VPS13A: variants seen among roughly 807,000 people sequenced by gnomAD.
VPS13A encodes the protein vacuolar protein sorting 13 homolog A.
A neutral mutation model predicts 390.9 loss-of-function variants in VPS13A; 264 were observed. The observed-to-expected ratio is 0.68, with a 90% CI of 0.61 to 0.75. The LOEUF (loss-of-function observed/expected upper bound fraction) is 0.75, where lower values mean the gene tolerates loss of function less well. Ranked by LOEUF, VPS13A falls within the 30% of genes least tolerant of loss-of-function variation. The pLI is 0.00. For missense variants in VPS13A, 3,409 were observed against 3,733.9 expected (o/e 0.91, Z 2.27); for synonymous variants, 1,231 against 1,227.1 (o/e 1.00, Z -0.07).
chr9:77,353,792 G>T (rs906319774), intron 54 of VPS13A, 151 bp downstream of exon 54: 7 of 770,008 alleles, frequency 9.1e-6, no homozygotes, highest in South Asian at 3.9e-5. Context: ...TGTGCTTGAG[G>T]GAATTTTTTG....
intron 57 of VPS13A, among the ~76,000 whole-genome samples, chr9:77,358,719 T>C (rs1401965142): frequency 6.6e-6 from 1 of 152,228 alleles, no homozygotes; most frequent in Non-Finnish European, 1.5e-5. Flanking sequence ...TTAAAAACCT[T>C]TAAAGCCTTT....
Position 77,337,530 on chromosome 9 carries a change from A to T in VPS13A, c.6371A>T (p.Tyr2124Phe). ...CTTCTTCCTTACAAAATTGCTTATT[A>T]TATAGAGGTATCGGCAAACTGATTT... ...RNLLPYKIAY[Y>F]IEGIENSVFT... is the part of the protein sequence containing the mutation. The change falls in exon 47 of 72, where the codon TAT (tyrosine) becomes TTT (phenylalanine). Residue 2124 changes from tyrosine to phenylalanine, a missense_variant. Physicochemically the swap from Tyr to Phe is conservative, Grantham distance 22. This residue lies in a region of VPS13A where 2,717 missense variants were observed against 2,917.4 expected (regional missense o/e 0.93). Coordinates refer to ENST00000360280, the MANE Select transcript of VPS13A (RefSeq NM_033305.3). 1.2e-6 allele frequency: 2 copies of T among 1,611,678 alleles called. No homozygotes were observed. Among genetic ancestry groups the T allele is most frequent in the Non-Finnish European group, 1.7e-6 (2 of 1,178,818 alleles).
At chr9:77,328,301 GA>G (rs1426406511) in intron 45 of VPS13A, among the ~76,000 whole-genome samples, 3 of 152,162 alleles carry the variant, frequency 2.0e-5, no homozygotes, top group African/African-American at 7.2e-5. Flanking sequence ...GCTGTAAACA[GA>G]TGTGCTTTCA....
At chr9:77,225,489 G>A (rs962559193) in intron 13 of VPS13A, among the ~76,000 whole-genome samples, 2 of 151,994 alleles carry the variant, frequency 1.3e-5, no homozygotes, top group African/African-American at 2.4e-5. Flanking sequence ...CAAGTGATTC[G>A]CCTGCCTCAG....
At chr9:77,373,630 A>C (rs1382343967) in intron 67 of VPS13A, among the ~76,000 whole-genome samples, 1 of 151,050 alleles carries the variant, frequency 6.6e-6, no homozygotes, top group Non-Finnish European at 1.5e-5. Context: ...GCCAAAATTG[A>C]CAAATGGGAT....
chr9:77,256,092 A>AT (rs1587431089), intron 22 of VPS13A, among the ~76,000 whole-genome samples: 2 of 151,178 alleles, frequency 1.3e-5, no homozygotes, highest in Admixed American at 6.6e-5. Flanking sequence ...TAGGCTATTG[A>AT]TTTTAGGTCT....
intron 17 of VPS13A, among the ~76,000 whole-genome samples, chr9:77,234,543 T>C (rs1446393047): frequency 6.6e-6 from 1 of 152,250 alleles, no homozygotes; most frequent in East Asian, 1.9e-4. Context: ...TTTCGATGGG[T>C]TTATTGGGAA....
At position 77,318,438 on chromosome 9, in the gene VPS13A, G is replaced by C. The variant is rs1487264324; in HGVS notation, c.5160G>C (p.Glu1720Asp). The C allele has an allele frequency of 6.2e-7, 1 of 1,613,744 alleles. No individual in the cohort carries two copies. Among genetic ancestry groups the C allele is most frequent in the African/African-American group, 1.3e-5 (1 of 74,902 alleles). The change falls in exon 41 of 72, where the codon GAG becomes GAC. Residue 1720 changes from glutamate to aspartate, a missense_variant. Coordinates refer to ENST00000360280, the MANE Select transcript of VPS13A (RefSeq NM_033305.3). ...CAACTGAATTGGTACCCAAAGGCGA[G>C]ATGATAAAAATGAACATTGATTCTA... is the stretch of plus-strand genomic sequence containing the variant. ...APTTELVPKG[E>D]MIKMNIDSIF...
intron 23 of VPS13A, among the ~76,000 whole-genome samples, chr9:77,266,579 T>C (rs1441403141): frequency 6.6e-6 from 1 of 152,214 alleles, no homozygotes; most frequent in Non-Finnish European, 1.5e-5. Context: ...CGTTTCTCTG[T>C]GGCTGCCCTT....
Position 77,370,905 on chromosome 9 carries a change from A to G in VPS13A, c.8923A>G (p.Ile2975Val), listed in dbSNP as rs775464593. Reference protein sequence around the residue: ...KGLVSGFVSGITGIVTKPIKG... With the variant: ...KGLVSGFVSGVTGIVTKPIKG... ...TTCCTTCTAGGGATTTGTTAGTGGC[A>G]TAACAGGAATTGTTACAAAACCAAT... The change falls in exon 66 of 72, where the codon ATA (isoleucine) becomes GTA (valine). Residue 2975 changes from isoleucine to valine, a missense_variant. This residue lies in a region of VPS13A where 318 missense variants were observed against 333.7 expected (regional missense o/e 0.95). Transcript: ENST00000360280. 2.4e-5 allele frequency: 38 copies of G among 1,613,378 alleles called. No homozygotes were observed. The highest frequency in any genetic ancestry group is 3.1e-5 in the Non-Finnish European group (36 of 1,179,982).
chr9:77,219,832 A>G, intron 10 of VPS13A, 122 bp from the exon 11 acceptor site: 1 of 992,554 alleles, frequency 1.0e-6, no homozygotes, highest in East Asian at 2.5e-5. Context: ...CAGTGTGAAC[A>G]TCTGGGAACT....
In VPS13A at chr9:77,238,291, T is replaced by C. The variant is rs1824270723; in HGVS notation, c.1805T>C (p.Val602Ala). ...IYDARTVNSIVEFFRPPKEVH... is the reference protein window; with the variant it reads ...IYDARTVNSIAEFFRPPKEVH... ...TAACAGAGGACAGTGAATAGTATAGTGGAATTCTTCAGACCTCCAAAAGAG... is the reference window on the plus strand; with the variant it reads ...TAACAGAGGACAGTGAATAGTATAGCGGAATTCTTCAGACCTCCAAAAGAG... Residue 602 changes from valine (V) to alanine (A), a missense_variant, in exon 19 of 72, where the codon GTG becomes GCG. This residue lies in a region of VPS13A where 2,717 missense variants were observed against 2,917.4 expected (regional missense o/e 0.93). Coordinates refer to ENST00000360280, the MANE Select transcript of VPS13A (RefSeq NM_033305.3). 2 of 1,613,942 alleles carry C rather than the reference T, an allele frequency of 1.2e-6. No individual in the cohort carries two copies. The highest frequency in any genetic ancestry group is 2.7e-5 in the African/African-American group (2 of 75,032).
At chr9:77,269,575 T>A (rs545140907) in intron 23 of VPS13A, among the ~76,000 whole-genome samples, 4 of 152,354 alleles carry the variant, frequency 2.6e-5, no homozygotes, top group Admixed American at 2.6e-4. Flanking sequence ...TGGCTGAGAT[T>A]TGGATAGAAA....
chr9:77,214,495 A>G, intron 10 of VPS13A, 109 bp downstream of exon 10: 1 of 791,238 alleles, frequency 1.3e-6, no homozygotes, highest in Non-Finnish European at 2.1e-6. Flanking sequence ...CCTTCTATAT[A>G]GTTAAATGTA....
rs189735864 is a variant in VPS13A, at chr9:77,343,680, T to C, written c.7027-473T>C. On this transcript the variant is annotated intron_variant, in intron 50 of 71. Transcript: ENST00000360280. ...TCTGAACTTTGAATACTACTTTTAC[T>C]TTTTTACCCTTATTTGACAACCAGA... Among the ~76,000 whole-genome samples the C allele has an allele frequency of 2.2e-3, 331 of 152,334 alleles. 3 individuals are homozygous for C. The highest frequency in any genetic ancestry group is 6.7e-3 in the African/African-American group (278 of 41,574).
rs535563472 is a variant in VPS13A, at chr9:77,347,023, A to G, written c.7289+1881A>G. 2.6e-4 allele frequency among the ~76,000 whole-genome samples: 39 copies of G among 152,234 alleles called. No individual in the cohort carries two copies. In the South Asian group the frequency reaches 7.5e-3, roughly 29 times the overall value. ...ATTTGGCTTTATTTCTGGTTTCTCT[A>G]TTCTGTTCCATTGGTCTGCATGCCT... On this transcript the variant is annotated intron_variant, in intron 52 of 71. Coordinates refer to ENST00000360280, the MANE Select transcript of VPS13A (RefSeq NM_033305.3).
At chr9:77,326,441 C>T (rs1830023809) in intron 45 of VPS13A, among the ~76,000 whole-genome samples, 1 of 151,954 alleles carries the variant, frequency 6.6e-6, no homozygotes, top group African/African-American at 2.4e-5. Flanking sequence ...TTCATTTTTA[C>T]TTTTAGCTTT....
At chr9:77,239,995 A>G (rs960398394) in intron 19 of VPS13A, among the ~76,000 whole-genome samples, 2 of 117,448 alleles carry the variant, frequency 1.7e-5, no homozygotes, top group Non-Finnish European at 3.7e-5. Flanking sequence ...CCCATATACT[A>G]TTTTTTTTAC....
intron 51 of VPS13A, 38 bp from the exon 52 acceptor site, chr9:77,344,971 A>G (rs773683898): frequency 6.3e-6 from 10 of 1,599,856 alleles, no homozygotes; most frequent in East Asian, 4.5e-5. Context: ...TCTTGGGAAA[A>G]TGATTACATT....
Sources: allele counts gnomAD v4.1 joint callset (sites outside exome capture counted in the v4.1 genomes callset), GRCh38; gene constraint gnomAD v4.1.1; regional missense constraint gnomAD v4.1.1; transcripts MANE v1.5; gene names NCBI Gene and HGNC (gene_info 2026-07-23, HGNC 2026-07-21).